Variants in CYGB observed in about 807,000 individuals in gnomAD.
The protein encoded by CYGB is cytoglobin, also known as histoglobin.
In CYGB, 13 loss-of-function variants were observed where a neutral mutation model predicts 20.7. The ratio of observed to expected loss-of-function variants is 0.63; its 90% CI spans 0.41 to 1.00. CYGB has a LOEUF of 1.00. CYGB is among the 50% of genes least tolerant of loss of function. The pLI is 0.00. For missense variants in CYGB, 218 were observed against 257.2 expected (o/e 0.85, Z 1.04); for synonymous variants, 93 against 107.4 (o/e 0.87, Z 0.83).
At chr17:76,534,763 G>T (rs1412340105) in intron 1 of CYGB, among the ~76,000 whole-genome samples, 1 of 152,208 alleles carries the variant, frequency 6.6e-6, no homozygotes, top group African/African-American at 2.4e-5. Flanking sequence ...ATCGTGGCCT[G>T]GTAACCAGGT....
In CYGB at chr17:76,530,873, C is replaced by T. The variant is rs1021859382; in HGVS notation, c.539+106G>A. 1 of 1,322,860 alleles carries T rather than the reference C, an allele frequency of 7.6e-7. No homozygotes were observed. The highest frequency in any genetic ancestry group is 1.5e-5 in the African/African-American group (1 of 67,294). The allele number at this position is 1,322,860 out of a possible 1,614,324, so 81.9% of individuals were successfully genotyped here. On this transcript the variant is annotated intron_variant, in intron 3 of 3. Coordinates refer to ENST00000293230, the MANE Select transcript of CYGB (RefSeq NM_134268.5). The surrounding 1 kb of genome is among the most constrained non-coding windows in gnomAD (Gnocchi z 6.1). Reference sequence around the variant, plus strand: ...CAGGGTTGGCCTGCCTCAAGTGTGCCTGCCCAGGTGATCAGCCCCAGGGCC... The same window carrying T: ...CAGGGTTGGCCTGCCTCAAGTGTGCTTGCCCAGGTGATCAGCCCCAGGGCC...
chr17:76,540,259 G>GCA, upstream of CYGB: 3 of 1,026,670 alleles, frequency 2.9e-6, no homozygotes, highest in Non-Finnish European at 4.5e-6. The surrounding 1 kb of genome is among the most constrained non-coding windows in gnomAD (Gnocchi z 5.0). Flanking sequence ...GTCGGGGGGG[G>GCA]GGGGCATGGG....
upstream of CYGB, chr17:76,539,891 A>ATACG: frequency 1.7e-6 from 1 of 586,082 alleles, no homozygotes; most frequent in Non-Finnish European, 3.0e-6. Context: ...GAGACTCCGA[A>ATACG]TACGTGCTCA....
rs895167126 is a variant in CYGB at position 76,533,269 on chromosome 17, G to T, written c.144-1578C>A. On this transcript the variant is annotated intron_variant, in intron 1 of 3. Coordinates refer to ENST00000293230, the MANE Select transcript of CYGB (RefSeq NM_134268.5). This position sits in a 1 kb window ranked among gnomAD's most constrained non-coding sequence, Gnocchi z 4.5. ...GCAGAAGGGCAAGAGGAGGGCCCCC[G>T]CTCACTGCTTCATGGATACACGGGT... 2.0e-5 allele frequency among the ~76,000 whole-genome samples: 3 copies of T among 152,166 alleles called. No individual in the cohort carries two copies. Among genetic ancestry groups the T allele is most frequent in the African/African-American group, 7.2e-5 (3 of 41,432 alleles).
chr17:76,545,051 G>A, intron 1 of CYGB: 1 of 452,238 alleles, frequency 2.2e-6, no homozygotes. Context: ...GGTGCCATGT[G>A]GGCCGGGTGG....
At chr17:76,529,108 A>G (rs990477155) in intron 3 of CYGB, 11 of 964,526 alleles carry the variant, frequency 1.1e-5, no homozygotes, top group Admixed American at 1.5e-4. Context: ...CTCAATAAAC[A>G]GTGGCGCCTG....
chr17:76,538,238 G>C (rs910814714), upstream of CYGB: 1 of 185,528 alleles, frequency 5.4e-6, no homozygotes, highest in Non-Finnish European at 1.1e-5. Context: ...GGCTCCCCTC[G>C]CCCGGGCCTC....
upstream of CYGB, chr17:76,540,664 CGCCTGTGCGT>C (rs1370267313): frequency 7.6e-7 from 1 of 1,314,340 alleles, no homozygotes; most frequent in Non-Finnish European, 1.1e-6. The surrounding 1 kb of genome is among the most constrained non-coding windows in gnomAD (Gnocchi z 5.0). Flanking sequence ...TGCCTGTGCG[CGCCTGTGCGT>C]GCACCGTATC....
At position 76,529,605 on chromosome 17, in the gene CYGB, A is replaced by G. The variant is rs956534259; in HGVS notation, c.540-994T>C. ...CAGGAAGTCTTGTGTCCTGGCTGTA[A>G]ACAAACTCATCTTTGGCAGCAGAGC... On this transcript the variant is annotated intron_variant, in intron 3 of 3. Transcript: ENST00000293230. The G allele has an allele frequency of 4.1e-6, 4 of 985,262 alleles. No individual in the cohort carries two copies. The African/African-American group carries it at 5.2e-5, about 13-fold the overall frequency. 61.0% of individuals were successfully genotyped at this position (985,262 alleles called of 1,614,324 possible). A position where few individuals can be genotyped will look rare whatever the true frequency, so the allele number is the denominator to read the frequency against.
At chr17:76,540,616 G>A (rs775143019), upstream of CYGB, 21 of 1,591,742 alleles carry the variant, frequency 1.3e-5, no homozygotes, top group Non-Finnish European at 1.7e-5. The surrounding 1 kb of genome is among the most constrained non-coding windows in gnomAD (Gnocchi z 5.0). Flanking sequence ...GTGCTGCCAA[G>A]GAAGCTGTGG....
At position 76,531,375 on chromosome 17, in the gene CYGB, C is replaced by T. The variant is rs905893609; in HGVS notation, c.375+85G>A. ...CACTCCGGGGATCACCTCTGTTGCT[C>T]CAGAGAGCCGTCGCAGAGCCTGCGA... On this transcript the variant is annotated intron_variant, in intron 2 of 3. Transcript: ENST00000293230. This position sits in a 1 kb window ranked among gnomAD's most constrained non-coding sequence, Gnocchi z 7.4. 4 of 1,496,894 alleles carry T rather than the reference C, an allele frequency of 2.7e-6. No individual in the cohort carries two copies. The African/African-American group carries it at 4.1e-5, about 15-fold the overall frequency. The allele number at this position is 1,496,894 out of a possible 1,614,324, so 92.7% of individuals were successfully genotyped here. A position where few individuals can be genotyped will look rare whatever the true frequency, so the allele number is the denominator to read the frequency against.
At chr17:76,540,627 C>T (rs2074980565), upstream of CYGB, 4 of 1,550,932 alleles carry the variant, frequency 2.6e-6, no homozygotes, top group Admixed American at 5.1e-5. This position sits in a 1 kb window ranked among gnomAD's most constrained non-coding sequence, Gnocchi z 5.0. Context: ...GAAGCTGTGG[C>T]TGTGCATGCC....
At chr17:76,543,994 C>T (rs1336159216) in intron 1 of CYGB, 2 of 459,744 alleles carry the variant, frequency 4.4e-6, no homozygotes, top group Admixed American at 4.7e-5. Context: ...AAAAGCCTGA[C>T]ACTTGTTTTT....
rs570969654 is a variant in CYGB at position 76,528,087 on chromosome 17, C to T, written c.*491G>A. On this transcript the variant is annotated 3_prime_UTR_variant, in exon 4 of 4. Coordinates refer to ENST00000293230, the MANE Select transcript of CYGB (RefSeq NM_134268.5). The surrounding 1 kb of genome is among the most constrained non-coding windows in gnomAD (Gnocchi z 5.8). ...GGTGGGCCAAACCGAGGCTTCTGGG[C>T]GCCGCGGATACACATTCTAGATATG... 2.2e-5 allele frequency: 8 copies of T among 368,562 alleles called. No individual in the cohort carries two copies. The highest frequency in any genetic ancestry group is 6.3e-5 in the South Asian group (2 of 31,900). 22.8% of individuals were successfully genotyped at this position (368,562 alleles called of 1,614,324 possible). A position where few individuals can be genotyped will look rare whatever the true frequency, so the allele number is the denominator to read the frequency against.
upstream of CYGB, among the ~76,000 whole-genome samples, chr17:76,541,534 T>C (rs767176504): frequency 2.6e-5 from 4 of 152,132 alleles, no homozygotes; most frequent in Non-Finnish European, 5.9e-5. Context: ...CTGTCTCCTG[T>C]CGTCTGAGTC....
At chr17:76,540,611 G>A, upstream of CYGB, 1 of 1,597,318 alleles carries the variant, frequency 6.3e-7, no homozygotes, top group Non-Finnish European at 8.6e-7. The surrounding 1 kb of genome is among the most constrained non-coding windows in gnomAD (Gnocchi z 5.0). Context: ...GGAGGGTGCT[G>A]CCAAGGAAGC....
In CYGB at chr17:76,531,893, A is replaced by G; in HGVS notation, c.144-202T>C. 2 of 523,744 alleles carry G rather than the reference A, an allele frequency of 3.8e-6. No individual in the cohort carries two copies. Among genetic ancestry groups the G allele is most frequent in the East Asian group, 6.1e-5 (2 of 32,762 alleles). 32.4% of individuals were successfully genotyped at this position (523,744 alleles called of 1,614,324 possible). A position where few individuals can be genotyped will look rare whatever the true frequency, so the allele number is the denominator to read the frequency against. On this transcript the variant is annotated intron_variant, in intron 1 of 3. Transcript: ENST00000293230. This position sits in a 1 kb window ranked among gnomAD's most constrained non-coding sequence, Gnocchi z 7.4. ...CGGCTCACCCCTACCAAGTCTGGCC[A>G]TGTCTATCTGCCAGGCTTGCTCAGG...
upstream of CYGB, among the ~76,000 whole-genome samples, chr17:76,538,711 C>T (rs928283556): frequency 3.9e-5 from 6 of 152,214 alleles, no homozygotes; most frequent in African/African-American, 1.4e-4. Context: ...CTATCCAGGG[C>T]AGTGTGAGAT....
chr17:76,540,476 C>G (rs769046801), upstream of CYGB: 9 of 1,611,758 alleles, frequency 5.6e-6, no homozygotes, highest in Non-Finnish European at 7.6e-6. This position sits in a 1 kb window ranked among gnomAD's most constrained non-coding sequence, Gnocchi z 5.0. Flanking sequence ...ACAGCCATAG[C>G]TCTTCCTCCC....
Sources: allele counts gnomAD v4.1 joint callset (sites outside exome capture counted in the v4.1 genomes callset), GRCh38; gene constraint gnomAD v4.1.1; non-coding constraint Gnocchi (gnomAD v3.1); transcripts MANE v1.5; gene names NCBI Gene and HGNC (gene_info 2026-07-23, HGNC 2026-07-21).